Variants in ESRRG observed in about 807,000 individuals in gnomAD.
ESRRG encodes the protein estrogen-related receptor gamma.
In ESRRG, 13 loss-of-function variants were observed where a neutral mutation model predicts 44.0. That is an observed-to-expected ratio of 0.30 (90% CI 0.19 to 0.47). The LOEUF (loss-of-function observed/expected upper bound fraction) is 0.47, where lower values mean the gene tolerates loss of function less well. Ranked by LOEUF, ESRRG falls within the 20% of genes least tolerant of loss-of-function variation. The pLI is 1.00. For synonymous variants in ESRRG, 215 were observed against 214.6 expected (o/e 1.00, Z -0.02); for missense variants, 395 against 580.6 (o/e 0.68, Z 3.29).
At chr1:216,855,174 G>A (rs937368554) in intron 2 of ESRRG, 1 of 152,126 alleles carries the variant, frequency 6.6e-6, no homozygotes, top group African/African-American at 2.4e-5. Context: ...TAGGACCTAT[G>A]GGCCGCTGAT....
At chr1:216,717,797 A>C (rs2152034213) in intron 1 of ESRRG, among the ~76,000 whole-genome samples, 1 of 151,968 alleles carries the variant, frequency 6.6e-6, no homozygotes. Flanking sequence ...TTTTAGAAAA[A>C]GAGCAAATGA....
chr1:216,795,740 AGATTGT>A (rs2094455259), intron 2 of ESRRG, among the ~76,000 whole-genome samples: 1 of 152,132 alleles, frequency 6.6e-6, no homozygotes, highest in Non-Finnish European at 1.5e-5. Context: ...AAGAAGGTAA[AGATTGT>A]GATGTCTCCT....
intron 6 of ESRRG, among the ~76,000 whole-genome samples, chr1:216,516,775 T>C (rs780655541): frequency 1.3e-4 from 20 of 152,016 alleles, no homozygotes; most frequent in Non-Finnish European, 2.1e-4. Flanking sequence ...AAAACCTACA[T>C]TGGATCTAAG....
chr1:216,684,081 G>A (rs1164813590), intron 1 of ESRRG, among the ~76,000 whole-genome samples: 1 of 152,154 alleles, frequency 6.6e-6, no homozygotes, highest in Non-Finnish European at 1.5e-5. Context: ...AACTAATTAG[G>A]ACTAGGGGTG....
intron 2 of ESRRG, among the ~76,000 whole-genome samples, chr1:216,767,445 T>A (rs2093140169): frequency 1.3e-5 from 2 of 152,138 alleles, no homozygotes; most frequent in Non-Finnish European, 2.9e-5. Context: ...TGGGTTATGG[T>A]AACAATGAGT....
intron 2 of ESRRG, among the ~76,000 whole-genome samples, chr1:216,879,323 C>T (rs2096405336): frequency 6.6e-6 from 1 of 152,054 alleles, no homozygotes; most frequent in Non-Finnish European, 1.5e-5. Flanking sequence ...TTCCTGTCCA[C>T]TGCAATTCAT....
chr1:216,849,498 G>A (rs759467725), intron 2 of ESRRG, among the ~76,000 whole-genome samples: 1 of 152,026 alleles, frequency 6.6e-6, no homozygotes, highest in Non-Finnish European at 1.5e-5. Context: ...ATCTTTTGCT[G>A]AACTCAGATT....
chr1:216,535,527 C>G lies in ESRRG; in HGVS notation c.863-16106G>C, dbSNP rs145038482. On this transcript the variant is annotated intron_variant, in intron 5 of 6. Coordinates refer to ENST00000408911, the MANE Select transcript of ESRRG (RefSeq NM_001438.4). ...TAAATACCCTTGACCTACTTCCCTTCTTGTCTGTAGCAGGACTAATTCTTA... is the reference window on the plus strand; with the variant it reads ...TAAATACCCTTGACCTACTTCCCTTGTTGTCTGTAGCAGGACTAATTCTTA... 5.9e-5 allele frequency among the ~76,000 whole-genome samples: 9 copies of G among 152,228 alleles called. No homozygotes were observed. The East Asian group carries it at 1.7e-3, about 30-fold the overall frequency.
intron 1 of ESRRG, among the ~76,000 whole-genome samples, chr1:217,044,704 C>T (rs1464115271): frequency 6.6e-6 from 1 of 152,148 alleles, no homozygotes; most frequent in Non-Finnish European, 1.5e-5. Flanking sequence ...AAGAAAAAAA[C>T]CAGCTCTGCA....
At chr1:217,076,743 C>T (rs1558214687) in intron 1 of ESRRG, 1 of 152,192 alleles carries the variant, frequency 6.6e-6, no homozygotes, top group South Asian at 2.1e-4. Context: ...ATGACCTATT[C>T]CTCTTATGTC....
intron 3 of ESRRG, among the ~76,000 whole-genome samples, chr1:216,637,236 G>C (rs78256804): frequency 6.6e-6 from 1 of 152,242 alleles, no homozygotes; most frequent in Non-Finnish European, 1.5e-5. Context: ...AGAAATATAC[G>C]TAGCTCAAAT....
intron 2 of ESRRG, among the ~76,000 whole-genome samples, chr1:216,889,308 C>T (rs1416099138): frequency 1.3e-5 from 2 of 152,136 alleles, no homozygotes; most frequent in African/African-American, 4.8e-5. Context: ...GCCAAAATGC[C>T]TAGGAAATGG....
intron 1 of ESRRG, among the ~76,000 whole-genome samples, chr1:216,686,750 C>A (rs187239646): frequency 1.3e-5 from 2 of 152,250 alleles, no homozygotes; most frequent in Admixed American, 1.3e-4. Flanking sequence ...AGCTCTGGAT[C>A]CAGGCACTGT....
intron 2 of ESRRG, among the ~76,000 whole-genome samples, chr1:216,654,442 C>A (rs959325410): frequency 6.6e-6 from 1 of 151,948 alleles, no homozygotes; most frequent in East Asian, 1.9e-4. Flanking sequence ...CGAGCCTGAT[C>A]AACATGGTGA....
intron 2 of ESRRG, among the ~76,000 whole-genome samples, chr1:216,843,880 T>C (rs1463654464): frequency 1.3e-5 from 2 of 152,088 alleles, no homozygotes; most frequent in Non-Finnish European, 2.9e-5. Context: ...TTTTTTTTTT[T>C]TTGTTTCCTT....
chr1:216,656,789 T>A (rs1357272607), intron 2 of ESRRG, among the ~76,000 whole-genome samples: 1 of 152,204 alleles, frequency 6.6e-6, no homozygotes, highest in Non-Finnish European at 1.5e-5. Flanking sequence ...ACAGACATCA[T>A]AATTGTAAAG....
At chr1:217,034,909 A>T (rs894819708) in intron 1 of ESRRG, among the ~76,000 whole-genome samples, 1 of 152,218 alleles carries the variant, frequency 6.6e-6, no homozygotes. Flanking sequence ...GATTTCCTGC[A>T]TTGCATGGAA....
At chr1:217,093,757 G>A (rs547229262), upstream of ESRRG, among the ~76,000 whole-genome samples, 2 of 151,298 alleles carry the variant, frequency 1.3e-5, no homozygotes, top group South Asian at 2.1e-4. Context: ...CACTCCAGCT[G>A]AGGTGACAGA....
chr1:216,934,691 A>T (rs1341630458), intron 2 of ESRRG, among the ~76,000 whole-genome samples: 1 of 152,164 alleles, frequency 6.6e-6, no homozygotes. Context: ...TGATTCAGTT[A>T]TCTCCCACAT....
Sources: allele counts gnomAD v4.1 joint callset (sites outside exome capture counted in the v4.1 genomes callset), GRCh38; gene constraint gnomAD v4.1.1; transcripts MANE v1.5; gene names NCBI Gene and HGNC (gene_info 2026-07-23, HGNC 2026-07-21).